ANKMY2: variants seen among roughly 807,000 people sequenced by gnomAD.
ANKMY2 encodes the protein ankyrin repeat and MYND domain containing 2.
Under a neutral mutation model 50.4 loss-of-function variants are expected in ANKMY2, and 36 were observed. The ratio of observed to expected loss-of-function variants is 0.71; its 90% CI spans 0.55 to 0.94. ANKMY2 has a LOEUF of 0.94. Among genes scored for constraint, ANKMY2 ranks in the 40% least tolerant of loss-of-function variants. The pLI is 0.00. For missense variants in ANKMY2, 565 were observed against 524.0 expected (o/e 1.08, Z -0.76); for synonymous variants, 187 against 178.8 (o/e 1.05, Z -0.36).
intron 9 of ANKMY2, 116 bp from the exon 10 acceptor site, chr7:16,601,061 T>C: frequency 1.4e-6 from 1 of 707,174 alleles, no homozygotes; most frequent in Non-Finnish European, 2.1e-6. Context: ...TTAGTATCTC[T>C]ACTGTCATCG....
At chr7:16,604,438 T>C (rs557424139) in intron 8 of ANKMY2, among the ~76,000 whole-genome samples, 281 of 114,632 alleles carry the variant, frequency 2.5e-3, no homozygotes, top group African/African-American at 6.1e-3. Flanking sequence ...AACCTTTCTC[T>C]TATTTTCTCA....
rs1284786779 is a variant in ANKMY2, at chr7:16,600,021, T to C, written c.*740A>G. On this transcript the variant is annotated 3_prime_UTR_variant, in exon 10 of 10. Coordinates refer to ENST00000306999, the MANE Select transcript of ANKMY2 (RefSeq NM_020319.3). ...GCACGTGAATTAGCCTTACAGTAAT[T>C]GTGTACATAGTATGTTTAGTCATTA... The C allele has an allele frequency of 6.6e-6, 1 of 152,184 alleles. No individual in the cohort carries two copies. Among genetic ancestry groups the C allele is most frequent in the Non-Finnish European group, 1.5e-5 (1 of 68,038 alleles). 9.4% of individuals were successfully genotyped at this position (152,184 alleles called of 1,614,324 possible).
chr7:16,644,633 C>CA lies in ANKMY2; in HGVS notation c.67+873dup, dbSNP rs752663606. The stretch of plus-strand genomic sequence containing the variant: ...AATTGCCCGGAGTCGCACGCATCAC[C>CA]ATCCCTGCACCGTGAGGGTGCAGAA... On this transcript the variant is annotated intron_variant, in intron 1 of 9. Transcript: ENST00000306999. 4.5e-4 allele frequency: 209 copies of CA among 460,916 alleles called. 1 individual carries two copies. The highest frequency in any genetic ancestry group is 2.3e-3 in the Middle Eastern group (7 of 3,028). 28.6% of individuals were successfully genotyped at this position (460,916 alleles called of 1,614,324 possible).
intron 4 of ANKMY2, 130 bp downstream of exon 4, chr7:16,624,853 G>C (rs1781488113): frequency 4.4e-6 from 3 of 688,786 alleles, no homozygotes; most frequent in South Asian, 3.8e-5. Flanking sequence ...TTAAGTTACA[G>C]TGGACTGTAA....
chr7:16,617,024 C>T (rs779060885), intron 4 of ANKMY2, among the ~76,000 whole-genome samples: 1 of 152,108 alleles, frequency 6.6e-6, no homozygotes, highest in African/African-American at 2.4e-5. Context: ...CTGACCAAAC[C>T]AGCTTAATGT....
intron 3 of ANKMY2, among the ~76,000 whole-genome samples, chr7:16,625,428 T>G (rs1274309161): frequency 6.6e-6 from 1 of 152,192 alleles, no homozygotes; most frequent in African/African-American, 2.4e-5. Flanking sequence ...ATAAAATGAA[T>G]AGGATTCCCC....
At chr7:16,603,348 C>T (rs1015559054) in intron 8 of ANKMY2, among the ~76,000 whole-genome samples, 10 of 152,140 alleles carry the variant, frequency 6.6e-5, no homozygotes. Flanking sequence ...GAAGCAGCAA[C>T]TCACTCTAGC....
At chr7:16,624,288 T>C (rs1023087504) in intron 4 of ANKMY2, among the ~76,000 whole-genome samples, 1 of 152,182 alleles carries the variant, frequency 6.6e-6, no homozygotes, top group African/African-American at 2.4e-5. Context: ...TGGACTCTCT[T>C]CACCACCAAT....
chr7:16,625,038 C>A lies in ANKMY2; in HGVS notation c.315G>T (p.Glu105Asp). The A allele has an allele frequency of 6.2e-7, 1 of 1,614,114 alleles. No individual in the cohort carries two copies. The highest frequency in any genetic ancestry group is 1.1e-5 in the South Asian group (1 of 91,070). ...TTCCCACAGAGTTGACAACATCTGT[C>A]TCAGCACCAGCTTCTAACATTACCC... Reference protein sequence around the residue: ...ITWVMLEAGAETDVVNSVGRT... With the variant: ...ITWVMLEAGADTDVVNSVGRT... The change falls in exon 4 of 10, where the codon GAG becomes GAT. Residue 105 changes from glutamate to aspartate, a missense_variant. By Grantham distance (45) the Glu-to-Asp change is conservative. Transcript: ENST00000306999.
chr7:16,607,345 C>T (rs1781177249), intron 7 of ANKMY2, among the ~76,000 whole-genome samples: 2 of 152,128 alleles, frequency 1.3e-5, no homozygotes, highest in Admixed American at 1.3e-4. Context: ...GCGGGCAGAT[C>T]ACTTGAGGTC....
intron 2 of ANKMY2, among the ~76,000 whole-genome samples, chr7:16,633,341 T>C (rs182308635): frequency 5.3e-4 from 80 of 152,202 alleles, no homozygotes; most frequent in South Asian, 6.2e-4. Flanking sequence ...ATCATTTCTT[T>C]TTTTAGTATA....
intron 6 of ANKMY2, 132 bp downstream of exon 6, chr7:16,610,417 A>T: frequency 3.0e-6 from 2 of 674,500 alleles, no homozygotes; most frequent in Non-Finnish European, 5.0e-6. Flanking sequence ...TGTTTGTCAA[A>T]GACTAAATGT....
At chr7:16,625,971 TAAG>T in intron 3 of ANKMY2, among the ~76,000 whole-genome samples, 1 of 146,022 alleles carries the variant, frequency 6.8e-6, no homozygotes, top group East Asian at 2.0e-4. Context: ...ACTTGATTTA[TAAG>T]AAGTCTTTTT....
At chr7:16,602,265 G>T (rs887004086) in intron 9 of ANKMY2, 115 bp downstream of exon 9, 3 of 1,218,532 alleles carry the variant, frequency 2.5e-6, no homozygotes, top group Non-Finnish European at 3.4e-6. Context: ...TTCTTACATC[G>T]GTCACTCCTG....
Position 16,611,689 on chromosome 7 carries a change from G to A in ANKMY2, c.532-926C>T, listed in dbSNP as rs184146332. On this transcript the variant is annotated intron_variant, in intron 5 of 9. Transcript: ENST00000306999. ...AAGCTACAAATTAAATCCTTGAACC[G>A]GATTGAGAACTTGTCTTCCTGTTTG... is the stretch of plus-strand genomic sequence containing the variant. Among the ~76,000 whole-genome samples, 270 of 152,256 alleles carry A rather than the reference G, an allele frequency of 1.8e-3. 1 individual carries two copies. The highest frequency in any genetic ancestry group is 3.7e-3 in the South Asian group (18 of 4,820).
intron 3 of ANKMY2, among the ~76,000 whole-genome samples, chr7:16,625,545 C>G (rs1781496040): frequency 6.6e-6 from 1 of 152,182 alleles, no homozygotes. Flanking sequence ...TAAACATACA[C>G]ATTATTCTAT....
intron 5 of ANKMY2, among the ~76,000 whole-genome samples, chr7:16,612,422 G>C (rs1275080737): frequency 6.6e-6 from 1 of 152,152 alleles, no homozygotes; most frequent in African/African-American, 2.4e-5. Flanking sequence ...AATGAAGTAA[G>C]TATAATCAGA....
At position 16,600,572 on chromosome 7, in the gene ANKMY2, T is replaced by C. The variant is rs3735246; in HGVS notation, c.*189A>G. ...TTTTCCATAGGAATATCCATTCAAT[T>C]ATAGAACAGAAATCAATAGGAAATT... On this transcript the variant is annotated 3_prime_UTR_variant, in exon 10 of 10. Transcript: ENST00000306999. 0.25 allele frequency: 107,185 copies of C among 428,984 alleles called. 14,873 individuals carry two copies. Among genetic ancestry groups the C allele is most frequent in the East Asian group, 0.46 (12,967 of 27,930 alleles). The allele number at this position is 428,984 out of a possible 1,614,324, so 26.6% of individuals were successfully genotyped here.
At chr7:16,628,465 A>T (rs550802222) in intron 2 of ANKMY2, among the ~76,000 whole-genome samples, 27 of 123,412 alleles carry the variant, frequency 2.2e-4, no homozygotes, top group African/African-American at 7.9e-4. Context: ...AACTTTGAAG[A>T]CTCCCTTAGC....
Sources: allele counts gnomAD v4.1 joint callset (sites outside exome capture counted in the v4.1 genomes callset), GRCh38; gene constraint gnomAD v4.1.1; transcripts MANE v1.5; gene names NCBI Gene and HGNC (gene_info 2026-07-23, HGNC 2026-07-21).